Variants in FAP observed in about 807,000 individuals in gnomAD.
The protein encoded by FAP is fibroblast activation protein alpha, also known as prolyl endopeptidase FAP.
In FAP, 110 loss-of-function variants were observed where a neutral mutation model predicts 126.5. That is an observed-to-expected ratio of 0.87 (90% CI 0.74 to 1.02). The LOEUF is 1.02. FAP is among the 50% of genes least tolerant of loss of function. The pLI is 0.00. For synonymous variants in FAP, 334 were observed against 297.3 expected (o/e 1.12, Z -1.27); for missense variants, 919 against 909.2 (o/e 1.01, Z -0.14).
Position 162,202,070 on chromosome 2 carries a change from T to C in FAP, c.1223+802A>G, listed in dbSNP as rs78324938. On this transcript the variant is annotated intron_variant, in intron 14 of 25. Transcript: ENST00000188790. ...CATGAGCCTGGACTAATGGTCCTCATCTTTTTGCTCCTAGAATTTCAGCTA... is the reference window on the plus strand; with the variant it reads ...CATGAGCCTGGACTAATGGTCCTCACCTTTTTGCTCCTAGAATTTCAGCTA... Among the ~76,000 whole-genome samples, 873 of 152,346 alleles carry C rather than the reference T, an allele frequency of 5.7e-3. 8 individuals are homozygous for C. Among genetic ancestry groups the C allele is most frequent in the African/African-American group, 0.02 (822 of 41,588 alleles).
At position 162,225,532 on chromosome 2, in the gene FAP, T is replaced by G. The variant is rs1689608433; in HGVS notation, c.236A>C (p.Tyr79Ser). 2 of 1,600,772 alleles carry G rather than the reference T, an allele frequency of 1.2e-6. No individual in the cohort carries two copies. Among genetic ancestry groups the G allele is most frequent in the African/African-American group, 2.7e-5 (2 of 74,416 alleles). The change falls in exon 4 of 26, where the codon TAT becomes TCT. Residue 79 changes from tyrosine (Y) to serine (S), a missense_variant. Coordinates refer to ENST00000188790, the MANE Select transcript of FAP (RefSeq NM_004460.5). ...HQSADNNIVL[Y>S]NIETGQSYTI... is the part of the protein sequence containing the mutation. ...ATATGATTGTCCTGTTTCAATATTA[T>G]AAAGTACTATATTGTTATCTGCAGA... is the stretch of plus-strand genomic sequence containing the variant.
chr2:162,194,299 CAT>C (rs1553686029), intron 17 of FAP: 20 of 168,868 alleles, frequency 1.2e-4, no homozygotes, highest in Middle Eastern at 2.6e-3. Context: ...CACACACACA[CAT>C]GCAAACAACC....
chr2:162,215,653 C>T (rs1197502938), intron 10 of FAP, among the ~76,000 whole-genome samples: 1 of 152,064 alleles, frequency 6.6e-6, no homozygotes, highest in Non-Finnish European at 1.5e-5. Context: ...CTTGTTGGTC[C>T]CAAGTTCACA....
Position 162,219,139 on chromosome 2 carries a change from TCCTG to T in FAP, c.527_530del (p.Pro176GlnfsTer7). 1 of 1,607,670 alleles carries T rather than the reference TCCTG, an allele frequency of 6.2e-7. No individual in the cohort carries two copies. The highest frequency in any genetic ancestry group is 8.5e-7 in the Non-Finnish European group (1 of 1,176,154). On this transcript the variant is annotated frameshift_variant, in exon 8 of 26. Coordinates refer to ENST00000188790, the MANE Select transcript of FAP (RefSeq NM_004460.5). LOFTEE classifies it high-confidence loss of function. ...TAAATGTTATTTGAAAAGGTGGATC[TCCTG>T]GTCTTTGTTTCAAATAGATATTGTT...
At chr2:162,173,850 A>G (rs1687396994) in intron 22 of FAP, 63 bp from the exon 23 acceptor site, 1 of 1,058,912 alleles carries the variant, frequency 9.4e-7, no homozygotes, top group African/African-American at 1.6e-5. Flanking sequence ...TTAACCAACA[A>G]GACCTTCTAG....
intron 16 of FAP, chr2:162,195,138 A>G (rs1688204437): frequency 4.9e-6 from 1 of 203,844 alleles, no homozygotes; most frequent in Non-Finnish European, 1.0e-5. Context: ...CCCAGATTGT[A>G]TTTTCAATCT....
chr2:162,232,221 C>T (rs1355329587), intron 2 of FAP, among the ~76,000 whole-genome samples: 4 of 152,190 alleles, frequency 2.6e-5, no homozygotes, highest in African/African-American at 9.7e-5. Flanking sequence ...AGTTCTTGTA[C>T]ATACCAAGTA....
chr2:162,197,873 A>T, intron 16 of FAP: 1 of 335,922 alleles, frequency 3.0e-6, no homozygotes, highest in South Asian at 2.4e-5. Flanking sequence ...TCTAACTCTC[A>T]GCCCCAAATT....
At position 162,186,158 on chromosome 2, in the gene FAP, C is replaced by T. The variant is rs537002635; in HGVS notation, c.1814+2011G>A. Among the ~76,000 whole-genome samples the T allele has an allele frequency of 9.2e-5, 14 of 152,230 alleles. No individual in the cohort carries two copies. In the South Asian group the frequency reaches 2.7e-3, roughly 29 times the overall value. On this transcript the variant is annotated intron_variant, in intron 20 of 25. Coordinates refer to ENST00000188790, the MANE Select transcript of FAP (RefSeq NM_004460.5). ...GCAAGCACACTGAAAACAGAAATTG[C>T]AAATTGCACAATTTTATACAGAGTG...
intron 17 of FAP, among the ~76,000 whole-genome samples, chr2:162,194,439 G>A (rs1482641587): frequency 1.3e-5 from 2 of 152,062 alleles, no homozygotes; most frequent in Non-Finnish European, 2.9e-5. Context: ...AGGCTGATTG[G>A]AGAAGATAGA....
At chr2:162,212,928 A>G (rs1242164562) in intron 11 of FAP, among the ~76,000 whole-genome samples, 4 of 152,224 alleles carry the variant, frequency 2.6e-5, no homozygotes, top group African/African-American at 9.6e-5. Context: ...TAATAGAAAC[A>G]ATTAAAACTC....
rs1449218312 is a variant in FAP at position 162,171,035 on chromosome 2, G to T, written c.2227C>A (p.His743Asn). The change falls in exon 26 of 26, where the codon CAC becomes AAC. Residue 743 changes from histidine to asparagine, a missense_variant. Coordinates refer to ENST00000188790, the MANE Select transcript of FAP (RefSeq NM_004460.5). Reference protein sequence around the residue: ...NHGLSGLSTNHLYTHMTHFLK... With the variant: ...NHGLSGLSTNNLYTHMTHFLK... ...AAGTGGGTCATGTGGGTGTATAAGT[G>T]GTTCGTGGACAGGCCGGATAAGCCG... is the stretch of plus-strand genomic sequence containing the variant. 2 of 1,613,280 alleles carry T rather than the reference G, an allele frequency of 1.2e-6. No individual in the cohort carries two copies. Among genetic ancestry groups the T allele is most frequent in the Admixed American group, 1.7e-5 (1 of 59,986 alleles).
At chr2:162,186,094 C>T (rs762674082) in intron 20 of FAP, among the ~76,000 whole-genome samples, 6 of 152,086 alleles carry the variant, frequency 3.9e-5, no homozygotes, top group Non-Finnish European at 8.8e-5. Context: ...CAATTTTGTC[C>T]CTTCAGAGTG....
Position 162,174,923 on chromosome 2 carries a change from G to A in FAP, c.1913C>T (p.Thr638Ile). The change falls in exon 22 of 26, where the codon ACT (threonine) becomes ATT (isoleucine). Residue 638 changes from threonine to isoleucine, a missense_variant. Thr to Ile is a moderately conservative substitution (Grantham distance 89). Coordinates refer to ENST00000188790, the MANE Select transcript of FAP (RefSeq NM_004460.5). ...YVSSLALASGTGLFKCGIAVA... is the reference protein window; with the variant it reads ...YVSSLALASGIGLFKCGIAVA... ...TGCTATACCACATTTGAAAAGACCA[G>A]TTCCAGATGCAAGGGCCAGTGATGA... is the stretch of plus-strand genomic sequence containing the variant. 2 of 1,612,820 alleles carry A rather than the reference G, an allele frequency of 1.2e-6. No individual in the cohort carries two copies. The highest frequency in any genetic ancestry group is 2.2e-5 in the South Asian group (2 of 91,048).
intron 21 of FAP, among the ~76,000 whole-genome samples, chr2:162,181,465 T>C (rs1576137541): frequency 6.6e-6 from 1 of 152,158 alleles, no homozygotes; most frequent in African/African-American, 2.4e-5. Context: ...GTTTCAGGCA[T>C]CCCTGGCCAG....
intron 24 of FAP, 91 bp downstream of exon 24, chr2:162,173,058 G>A (rs1687370962): frequency 1.6e-6 from 2 of 1,264,980 alleles, no homozygotes; most frequent in Non-Finnish European, 1.2e-6. Flanking sequence ...TACTGACCCT[G>A]AGCATAGGCA....
chr2:162,174,613 G>T (rs192182111), intron 22 of FAP, among the ~76,000 whole-genome samples: 1 of 152,096 alleles, frequency 6.6e-6, no homozygotes, highest in Admixed American at 6.6e-5. Context: ...GATTTGGTTC[G>T]GCAGGGGCTC....
At chr2:162,173,027 G>T in intron 24 of FAP, 122 bp downstream of exon 24, 1 of 1,126,936 alleles carries the variant, frequency 8.9e-7, no homozygotes, top group Non-Finnish European at 1.4e-6. Flanking sequence ...CTCAGATATG[G>T]AAATGTCCCT....
intron 2 of FAP, among the ~76,000 whole-genome samples, chr2:162,228,459 A>C (rs1224083747): frequency 1.3e-5 from 2 of 152,128 alleles, no homozygotes; most frequent in Non-Finnish European, 2.9e-5. Context: ...GTTTTAACTG[A>C]TTTACATTGA....
Sources: gnomAD v4.1 joint callset for allele counts (sites outside exome capture counted in the v4.1 genomes callset) on GRCh38, gnomAD v4.1.1 for gene constraint, MANE v1.5 for transcripts, NCBI Gene and HGNC (gene_info 2026-07-23, HGNC 2026-07-21) for gene names.